The following NOSTRIN variants were observed in gnomAD, a reference collection of about 807,000 sequenced individuals.
NOSTRIN encodes nitric oxide synthase trafficking, also known as BM247 homolog.
A neutral mutation model predicts 59.0 loss-of-function variants in NOSTRIN; 63 were observed. The observed-to-expected ratio is 1.07, with a 90% confidence interval of 0.87 to 1.32. NOSTRIN has a LOEUF of 1.32. Ranked by LOEUF, NOSTRIN falls within the 40% of genes most tolerant of loss-of-function variation. The pLI is 0.00. For missense variants in NOSTRIN, 512 were observed against 473.1 expected, an observed-to-expected ratio of 1.08 and a Z score of -0.76; for synonymous variants, 200 against 165.4, an observed-to-expected ratio of 1.21 and a Z score of -1.61.
chr2:168,838,791 T>TC (rs1403214351), intron 7 of NOSTRIN, among the ~76,000 whole-genome samples: 3 of 146,154 alleles, frequency 2.1e-5, no homozygotes, highest in African/African-American at 7.8e-5. Context: ...AAAAAACTCT[T>TC]TTTTTTTTTT....
intron 1 of NOSTRIN, among the ~76,000 whole-genome samples, chr2:168,805,621 A>T (rs1559103966): frequency 6.6e-6 from 1 of 152,232 alleles, no homozygotes; most frequent in Non-Finnish European, 1.5e-5. Context: ...CTCATACAGT[A>T]TCCAGGAAGG....
At chr2:168,856,657 G>A (rs368761525) in intron 11 of NOSTRIN, 33 bp from the exon 12 acceptor site, 3 of 1,596,866 alleles carry the variant, frequency 1.9e-6, no homozygotes, top group Non-Finnish European at 2.6e-6. Context: ...GAGACAGTGT[G>A]AAAGGTGACT....
chr2:168,814,266 A>G (rs918351414), intron 2 of NOSTRIN, among the ~76,000 whole-genome samples: 1 of 152,226 alleles, frequency 6.6e-6, no homozygotes, highest in Non-Finnish European at 1.5e-5. Context: ...GAACTGAGTC[A>G]ACAATTATGT....
rs766117643 is a variant in NOSTRIN, at chr2:168,843,126, T to TA, written c.630+10dup. 89 of 860,962 alleles carry TA rather than the reference T, an allele frequency of 1.0e-4. No individual in the cohort carries two copies. The highest frequency in any genetic ancestry group is 1.6e-4 in the Admixed American group (9 of 56,184). 53.3% of individuals were successfully genotyped at this position (860,962 alleles called of 1,614,324 possible). A position where few individuals can be genotyped will look rare whatever the true frequency, so the allele number is the denominator to read the frequency against. ...TAGAGAACTGCTACCAGGTAAGTTA[T>TA]ATATTCACATTTTTTTCTTCTTCTG... On this transcript the variant is annotated intron_variant, in intron 8 of 15. Transcript: ENST00000317647.
chr2:168,800,465 T>G (rs1685582216), upstream of NOSTRIN, among the ~76,000 whole-genome samples: 1 of 151,984 alleles, frequency 6.6e-6, no homozygotes, highest in African/African-American at 2.4e-5. Flanking sequence ...TCAGCTGGGA[T>G]GCCCTGCTGC....
At chr2:168,863,934 A>AGAGT (rs1553537002) in intron 15 of NOSTRIN, among the ~76,000 whole-genome samples, 1 of 151,618 alleles carries the variant, frequency 6.6e-6, no homozygotes, top group East Asian at 1.9e-4. Flanking sequence ...TTTTTGAGGC[A>AGAGT]GAGTCTTGCT....
intron 8 of NOSTRIN, among the ~76,000 whole-genome samples, chr2:168,849,878 G>C (rs1035844888): frequency 6.7e-6 from 1 of 149,974 alleles, no homozygotes; most frequent in African/African-American, 2.5e-5. Context: ...CCACCAGTCA[G>C]CAACTCAGTT....
intron 8 of NOSTRIN, among the ~76,000 whole-genome samples, chr2:168,847,356 G>A (rs773345239): frequency 1.2e-4 from 19 of 152,084 alleles, no homozygotes; most frequent in East Asian, 5.8e-4. Flanking sequence ...GTCTCAAAGC[G>A]CCTGGGGTGC....
chr2:168,828,572 G>T (rs1392023833), intron 5 of NOSTRIN, 71 bp downstream of exon 5: 5 of 616,410 alleles, frequency 8.1e-6, no homozygotes, highest in African/African-American at 7.6e-5. Context: ...AAAAGGAAAA[G>T]GTGATCTGAA....
chr2:168,845,790 C>CTTCTTTTTTTT lies in NOSTRIN; in HGVS notation c.630+2675_630+2676insCTTTTTTTTTT, dbSNP rs36186706. On this transcript the variant is annotated intron_variant, in intron 8 of 15. Transcript: ENST00000317647. ...AGACCTAGTTTTAGTTTTTTTCTTC[C>CTTCTTTTTTTT]TTTTTTTTTTTTTTTTTGTTAGAAT... Among the ~76,000 whole-genome samples the CTTCTTTTTTTT allele has an allele frequency of 6.4e-5, 9 of 140,630 alleles. 1 individual carries two copies. Among genetic ancestry groups the CTTCTTTTTTTT allele is most frequent in the African/African-American group, 1.1e-4 (4 of 37,380 alleles). 92.3% of individuals were successfully genotyped at this position (140,630 alleles called of 152,430 possible). A position where few individuals can be genotyped will look rare whatever the true frequency, so the allele number is the denominator to read the frequency against.
chr2:168,795,002 C>T (rs188648749), upstream of NOSTRIN, among the ~76,000 whole-genome samples: 9 of 152,320 alleles, frequency 5.9e-5, no homozygotes, highest in East Asian at 1.5e-3. Context: ...CACCCATCCA[C>T]CAGCCTCTCA....
At chr2:168,802,301 C>A, upstream of NOSTRIN, 1 of 273,524 alleles carries the variant, frequency 3.7e-6, no homozygotes, top group Non-Finnish European at 7.2e-6. Flanking sequence ...ATATGTGTTC[C>A]TGCACTGTCA....
At chr2:168,821,920 C>T (rs967408460) in intron 2 of NOSTRIN, among the ~76,000 whole-genome samples, 3 of 152,168 alleles carry the variant, frequency 2.0e-5, no homozygotes, top group Admixed American at 6.5e-5. Flanking sequence ...GACATTGAAC[C>T]CCTAGTAGAC....
At chr2:168,828,605 T>G (rs1159806353) in intron 5 of NOSTRIN, 104 bp downstream of exon 5, 1 of 492,894 alleles carries the variant, frequency 2.0e-6, no homozygotes, top group Non-Finnish European at 3.7e-6. Context: ...TTTCAGGAAT[T>G]TATCCTAAAA....
chr2:168,788,892 A>AAGATAGATAGATAGAT (rs4000833), intron 2 of NOSTRIN, among the ~76,000 whole-genome samples: 144 of 148,394 alleles, frequency 9.7e-4, no homozygotes, highest in East Asian at 2.9e-3. Context: ...CACAGATAAA[A>AAGATAGATAGATAGAT]AGATAGATAG....
intron 8 of NOSTRIN, 88 bp downstream of exon 8, chr2:168,843,205 C>T: frequency 2.6e-6 from 2 of 755,414 alleles, no homozygotes; most frequent in Non-Finnish European, 4.6e-6. Context: ...ACAAGACCTG[C>T]CCTCTGTCTT....
At position 168,862,042 on chromosome 2, in the gene NOSTRIN, G is replaced by C. The variant is rs747422147; in HGVS notation, c.1377G>C (p.Leu459Phe). 6.2e-7 allele frequency: 1 copy of C among 1,613,852 alleles called. No homozygotes were observed. The highest frequency in any genetic ancestry group is 1.7e-5 in the Admixed American group (1 of 60,026). The change falls in exon 15 of 16, where the codon TTG becomes TTC. Residue 459 changes from leucine (L) to phenylalanine (F), a missense_variant. Transcript: ENST00000317647. ...CCAGGCAAGATGATGAGTTGAATTT[G>C]GAAAAGGGTAAGAATCATTCTCAAA... Reference protein sequence around the residue: ...FQARQDDELNLEKGDIVIIHE... With the variant: ...FQARQDDELNFEKGDIVIIHE...
At chr2:168,797,079 CTTTTT>C (rs775176252), upstream of NOSTRIN, among the ~76,000 whole-genome samples, 12,085 of 75,270 alleles carry the variant, frequency 0.16, 372 homozygotes, top group Middle Eastern at 0.27. Context: ...TTTCTTTTTT[CTTTTT>C]TTTTTTTTTT....
At chr2:168,856,854 C>A in intron 12 of NOSTRIN, 76 bp downstream of exon 12, 3 of 1,415,948 alleles carry the variant, frequency 2.1e-6, no homozygotes, top group Non-Finnish European at 3.0e-6. Context: ...TTCTGGTCCA[C>A]TTGGCCTTGT....
Sources: allele counts gnomAD v4.1 joint callset (sites outside exome capture counted in the v4.1 genomes callset), GRCh38; gene constraint gnomAD v4.1.1; transcripts MANE v1.5; gene names NCBI Gene and HGNC (gene_info 2026-07-23, HGNC 2026-07-21).